The following DLGAP2 variants were observed in gnomAD, a reference collection of about 807,000 sequenced individuals.
DLGAP2 encodes disks large-associated protein 2.
Under a neutral mutation model 100.3 loss-of-function variants are expected in DLGAP2, and 26 were observed. The observed-to-expected ratio is 0.26, with a 90% CI of 0.19 to 0.36. The LOEUF is 0.36. DLGAP2 is among the 10% of genes least tolerant of loss of function. The pLI is 1.00. For missense variants in DLGAP2, 1,858 were observed against 1,453.2 expected (o/e 1.28, Z -4.53); for synonymous variants, 886 against 630.1 (o/e 1.41, Z -6.08).
chr8:789,201 G>A (rs1398270864), intron 1 of DLGAP2, among the ~76,000 whole-genome samples: 1 of 152,182 alleles, frequency 6.6e-6, no homozygotes, highest in Non-Finnish European at 1.5e-5. Flanking sequence ...TAAAGAAATA[G>A]GTGAAACTGG....
intron 1 of DLGAP2, among the ~76,000 whole-genome samples, chr8:904,887 G>A (rs759591555): frequency 3.3e-5 from 5 of 152,170 alleles, no homozygotes; most frequent in South Asian, 2.1e-4. Context: ...TCTCCTCTGC[G>A]GCCTTCTGTA....
intron 3 of DLGAP2, among the ~76,000 whole-genome samples, chr8:1,344,685 C>T (rs1204442106): frequency 3.3e-5 from 5 of 152,122 alleles, no homozygotes; most frequent in East Asian, 1.9e-4. Flanking sequence ...CAGTCTCCCG[C>T]GCTCCTCCGT....
At chr8:1,273,814 G>T (rs755710546) in intron 3 of DLGAP2, among the ~76,000 whole-genome samples, 11 of 152,224 alleles carry the variant, frequency 7.2e-5, no homozygotes, top group Non-Finnish European at 1.3e-4. Flanking sequence ...TCTGTTCAAA[G>T]AGCAAAAGGC....
intron 4 of DLGAP2, among the ~76,000 whole-genome samples, chr8:1,539,015 A>T (rs1322117169): frequency 2.0e-5 from 3 of 151,236 alleles, no homozygotes; most frequent in Non-Finnish European, 4.4e-5. Context: ...CCTCCTGAGT[A>T]GCTGGGATTA....
At chr8:1,518,026 T>C (rs1057456556) in intron 4 of DLGAP2, among the ~76,000 whole-genome samples, 1 of 152,218 alleles carries the variant, frequency 6.6e-6, no homozygotes, top group Non-Finnish European at 1.5e-5. Context: ...TGAAATGACA[T>C]CTGTAGAAAA....
intron 6 of DLGAP2, among the ~76,000 whole-genome samples, chr8:1,625,755 A>T (rs7817508): frequency 0.28 from 41,960 of 152,234 alleles, 7,198 homozygotes; most frequent in African/African-American, 0.49. Flanking sequence ...GGAATGACCC[A>T]AATTTCACTA....
chr8:1,182,357 G>A (rs1797408008), intron 2 of DLGAP2, among the ~76,000 whole-genome samples: 1 of 152,266 alleles, frequency 6.6e-6, no homozygotes, highest in Non-Finnish European at 1.5e-5. Flanking sequence ...GATGCCAGGT[G>A]GCTGGACTGA....
chr8:831,921 A>G (rs1305128368), intron 1 of DLGAP2, among the ~76,000 whole-genome samples: 1 of 152,036 alleles, frequency 6.6e-6, no homozygotes, highest in African/African-American at 2.4e-5. Flanking sequence ...CTGGCGTGAG[A>G]TGGTATCTCA....
At chr8:1,162,274 C>G (rs1252014817) in intron 2 of DLGAP2, among the ~76,000 whole-genome samples, 3 of 152,164 alleles carry the variant, frequency 2.0e-5, no homozygotes, top group Non-Finnish European at 4.4e-5. Context: ...AGTGTTTACC[C>G]TGCACCGGCG....
At chr8:1,047,414 C>T (rs1195083118) in intron 2 of DLGAP2, among the ~76,000 whole-genome samples, 1 of 152,154 alleles carries the variant, frequency 6.6e-6, no homozygotes, top group Non-Finnish European at 1.5e-5. Flanking sequence ...TTAATGATCC[C>T]ATATTTTAAA....
At chr8:1,571,544 G>C (rs947909831) in intron 6 of DLGAP2, among the ~76,000 whole-genome samples, 1 of 127,920 alleles carries the variant, frequency 7.8e-6, no homozygotes, top group African/African-American at 3.0e-5. Context: ...GGAGAGAGGA[G>C]TGAACTGTGG....
At chr8:1,524,952 G>C (rs1302397559) in intron 4 of DLGAP2, among the ~76,000 whole-genome samples, 2 of 152,080 alleles carry the variant, frequency 1.3e-5, no homozygotes, top group African/African-American at 2.4e-5. Context: ...TTTTCTTCTT[G>C]ACTTCTTGGT....
At chr8:874,942 A>T (rs1400781331) in intron 1 of DLGAP2, among the ~76,000 whole-genome samples, 1 of 152,206 alleles carries the variant, frequency 6.6e-6, no homozygotes, top group Non-Finnish European at 1.5e-5. Flanking sequence ...ACACACATGT[A>T]CATATATATT....
Position 1,678,230 on chromosome 8 carries a change from C to T in DLGAP2, c.2305C>T (p.Arg769Cys), listed in dbSNP as rs772704318. 1.5e-5 allele frequency: 24 copies of T among 1,611,850 alleles called. No individual in the cohort carries two copies. The highest frequency in any genetic ancestry group is 1.8e-5 in the Non-Finnish European group (21 of 1,178,556). Residue 769 changes from arginine to cysteine, a missense_variant, in exon 12 of 15, where the codon CGT becomes TGT. Coordinates refer to ENST00000637795, the MANE Select transcript of DLGAP2 (RefSeq NM_001346810.2). ...CTTTTGCAGACACGGACGTTTTAAA[C>T]GTTCTAACAGCGTCACGGCCGCCGT... ...EDEKRHGRFK[R>C]SNSVTAAVQA...
At chr8:1,138,028 G>A (rs912290072) in intron 2 of DLGAP2, among the ~76,000 whole-genome samples, 13 of 151,976 alleles carry the variant, frequency 8.6e-5, no homozygotes, top group African/African-American at 1.9e-4. Flanking sequence ...GAGCCACGGC[G>A]CCCGGCCCCC....
At chr8:873,607 A>G (rs1797638414) in intron 1 of DLGAP2, among the ~76,000 whole-genome samples, 1 of 152,060 alleles carries the variant, frequency 6.6e-6, no homozygotes, top group South Asian at 2.1e-4. Flanking sequence ...TTTAATCTAT[A>G]TTTATGAGAT....
intron 3 of DLGAP2, among the ~76,000 whole-genome samples, chr8:1,425,140 G>C (rs1238165243): frequency 1.3e-5 from 2 of 152,152 alleles, no homozygotes; most frequent in Non-Finnish European, 2.9e-5. Context: ...TCAGCACTGG[G>C]TGATATAAGG....
intron 2 of DLGAP2, among the ~76,000 whole-genome samples, chr8:1,191,724 G>A (rs1267011679): frequency 6.6e-6 from 1 of 152,092 alleles, no homozygotes; most frequent in African/African-American, 2.4e-5. Flanking sequence ...TTCCACCTCT[G>A]ATCACACTTT....
chr8:1,319,797 C>A (rs1043279213), intron 3 of DLGAP2, among the ~76,000 whole-genome samples: 1 of 152,082 alleles, frequency 6.6e-6, no homozygotes, highest in African/African-American at 2.4e-5. Context: ...GGCCAGAGAC[C>A]GGAAGGAAAC....
Sources: gnomAD v4.1 joint callset for allele counts (sites outside exome capture counted in the v4.1 genomes callset) on GRCh38, gnomAD v4.1.1 for gene constraint, MANE v1.5 for transcripts, NCBI Gene and HGNC (gene_info 2026-07-23, HGNC 2026-07-21) for gene names.